Variants in CUX1 observed in about 807,000 individuals in gnomAD.
CUX1 encodes protein CASP.
A neutral mutation model predicts 158.8 loss-of-function variants in CUX1; 31 were observed. That is an observed-to-expected ratio of 0.20 (90% CI 0.15 to 0.26). The LOEUF is 0.26. CUX1 is among the 10% of genes least tolerant of loss of function. The pLI is 1.00. For missense variants in CUX1, 1,589 were observed against 2,014.6 expected (o/e 0.79, Z 4.04); for synonymous variants, 879 against 862.1 (o/e 1.02, Z -0.34).
At chr7:101,822,855 C>T (rs948105294) in intron 1 of CUX1, among the ~76,000 whole-genome samples, 2 of 149,042 alleles carry the variant, frequency 1.3e-5, no homozygotes, top group African/African-American at 2.5e-5. Context: ...GAGCTGAGAT[C>T]GTGTGACTGC....
chr7:102,278,387 C>G (rs1320415189), intron 18 of CUX1, among the ~76,000 whole-genome samples: 1 of 151,830 alleles, frequency 6.6e-6, no homozygotes, highest in East Asian at 1.9e-4. Flanking sequence ...CTCAGAAGTT[C>G]GAGACCAGCC....
chr7:102,078,588 C>T (rs1173378717), intron 4 of CUX1, among the ~76,000 whole-genome samples: 1 of 152,116 alleles, frequency 6.6e-6, no homozygotes, highest in African/African-American at 2.4e-5. Flanking sequence ...AAAGGCAGTG[C>T]CTGGAAGGGT....
chr7:102,076,881 A>C (rs1826787297), intron 4 of CUX1, among the ~76,000 whole-genome samples: 1 of 151,860 alleles, frequency 6.6e-6, no homozygotes, highest in African/African-American at 2.4e-5. Context: ...AAAAGATACA[A>C]AAGTTAGCTG....
chr7:101,826,777 C>T (rs928620638), intron 1 of CUX1, among the ~76,000 whole-genome samples: 1 of 152,006 alleles, frequency 6.6e-6, no homozygotes, highest in Non-Finnish European at 1.5e-5. Context: ...GTGGGGTGGC[C>T]GGGGATCTCT....
At chr7:102,091,050 G>A (rs1003000117) in intron 4 of CUX1, among the ~76,000 whole-genome samples, 5 of 152,110 alleles carry the variant, frequency 3.3e-5, no homozygotes, top group African/African-American at 9.7e-5. Flanking sequence ...GTGATATAAG[G>A]CATTGAACCA....
intron 2 of CUX1, among the ~76,000 whole-genome samples, chr7:101,946,692 T>C (rs1808423530): frequency 6.6e-6 from 1 of 151,974 alleles, no homozygotes. Context: ...GAAAGATCAC[T>C]CACTGCTAAG....
At chr7:102,269,871 A>G (rs73712451) in intron 14 of CUX1, among the ~76,000 whole-genome samples, 4,938 of 152,200 alleles carry the variant, frequency 0.032, 263 homozygotes, top group African/African-American at 0.11. Flanking sequence ...GATCTCCTCA[A>G]CCAGCATATC....
intron 1 of CUX1, among the ~76,000 whole-genome samples, chr7:101,887,886 C>T (rs899241318): frequency 1.5e-5 from 2 of 137,492 alleles, no homozygotes; most frequent in African/African-American, 2.7e-5. Context: ...TATGATTCAT[C>T]GGATCTCTTT....
At chr7:102,226,885 C>T (rs1385883615) in intron 20 of CUX1, among the ~76,000 whole-genome samples, 1 of 152,196 alleles carries the variant, frequency 6.6e-6, no homozygotes, top group African/African-American at 2.4e-5. Context: ...CTCGCCCAGC[C>T]ACATTTCCTC....
rs367100 is a variant in CUX1 at position 101,976,094 on chromosome 7, C to T, written c.142-52004C>T. 1.2e-3 allele frequency among the ~76,000 whole-genome samples: 187 copies of T among 152,302 alleles called. 2 individuals carry two copies. The highest frequency in any genetic ancestry group is 4.4e-3 in the African/African-American group (182 of 41,570). ...ATTGCAGTGAGCCGAGATCACACCA[C>T]TGCACTCCAACCTGGGCACAGAGAG... On this transcript the variant is annotated intron_variant, in intron 2 of 23. Coordinates refer to ENST00000292535, the MANE Select transcript of CUX1 (RefSeq NM_181552.4).
At chr7:102,260,990 G>C (rs1478850444), downstream of CUX1, among the ~76,000 whole-genome samples, 2 of 152,234 alleles carry the variant, frequency 1.3e-5, no homozygotes, top group African/African-American at 4.8e-5. Context: ...CTGCATGTAC[G>C]GACCCAACCA....
At chr7:102,069,314 C>T (rs1409330141) in intron 3 of CUX1, among the ~76,000 whole-genome samples, 1 of 152,170 alleles carries the variant, frequency 6.6e-6, no homozygotes, top group Non-Finnish European at 1.5e-5. Flanking sequence ...ACCCACAGCT[C>T]CTGCATATGT....
Position 101,900,030 on chromosome 7 carries a change from G to A in CUX1, c.31-16085G>A, listed in dbSNP as rs920544028. On this transcript the variant is annotated intron_variant, in intron 1 of 23. Transcript: ENST00000292535. ...AGCTTTACAGAGTCTAAGTTAAAGA[G>A]CCCCTCAGCTATCTTGTAGAAAGCG... Among the ~76,000 whole-genome samples the A allele has an allele frequency of 2.0e-5, 3 of 152,196 alleles. 1 individual carries two copies. Among genetic ancestry groups the A allele is most frequent in the Non-Finnish European group, 4.4e-5 (3 of 68,028 alleles).
At chr7:102,114,897 G>A (rs1191956811) in intron 7 of CUX1, among the ~76,000 whole-genome samples, 7 of 140,464 alleles carry the variant, frequency 5.0e-5, no homozygotes, top group Non-Finnish European at 9.3e-5. Flanking sequence ...AAATGGAAGG[G>A]AAAGAAAGAA....
intron 2 of CUX1, among the ~76,000 whole-genome samples, chr7:101,947,802 A>AAATGAC (rs1305651866): frequency 9.9e-5 from 15 of 152,230 alleles, no homozygotes; most frequent in African/African-American, 3.6e-4. Flanking sequence ...TTACTTAGCC[A>AAATGAC]TTCCACTGGC....
intron 4 of CUX1, among the ~76,000 whole-genome samples, chr7:102,085,866 T>C (rs56960461): frequency 0.098 from 14,903 of 152,210 alleles, 2,411 homozygotes; most frequent in African/African-American, 0.34. Flanking sequence ...TTTCGTAAAA[T>C]TCAATTCATC....
intron 21 of CUX1, among the ~76,000 whole-genome samples, chr7:102,231,581 T>C (rs1233926991): frequency 6.6e-6 from 1 of 152,162 alleles, no homozygotes; most frequent in African/African-American, 2.4e-5. Context: ...ATCTGATTTT[T>C]TTTTCCCCAT....
chr7:102,174,836 A>C (rs1792126035), intron 10 of CUX1, among the ~76,000 whole-genome samples: 1 of 152,156 alleles, frequency 6.6e-6, no homozygotes, highest in South Asian at 2.1e-4. Context: ...TGTAATCCCA[A>C]CTACTCAGGA....
At chr7:102,227,292 T>G (rs377201577) in intron 20 of CUX1, 75 bp from the exon 21 acceptor site, 1 of 1,308,648 alleles carries the variant, frequency 7.6e-7, no homozygotes. Flanking sequence ...TAGTATTTCC[T>G]AGATAAGGAA....
Sources: gnomAD v4.1 joint callset for allele counts (sites outside exome capture counted in the v4.1 genomes callset) on GRCh38, gnomAD v4.1.1 for gene constraint, MANE v1.5 for transcripts, NCBI Gene and HGNC (gene_info 2026-07-23, HGNC 2026-07-21) for gene names.